Variants in DYSF observed in about 807,000 individuals in gnomAD.
DYSF encodes the protein dystrophy-associated fer-1-like 1.
In DYSF, 212 loss-of-function variants were observed where a neutral mutation model predicts 274.9. The ratio of observed to expected loss-of-function variants is 0.77; its 90% CI spans 0.69 to 0.86. The LOEUF (loss-of-function observed/expected upper bound fraction) is 0.86. DYSF is among the 40% of genes least tolerant of loss of function. DYSF has a pLI of 0.00. For missense variants in DYSF, 2,666 were observed against 2,783.2 expected, an observed-to-expected ratio of 0.96 and a Z score of 0.95; for synonymous variants, 1,091 against 1,078.7, an observed-to-expected ratio of 1.01 and a Z score of -0.22.
intron 22 of DYSF, 82 bp from the exon 23 acceptor site, chr2:71,561,670 T>C: frequency 6.4e-7 from 1 of 1,555,710 alleles, no homozygotes; most frequent in Non-Finnish European, 8.9e-7. Flanking sequence ...GGGCCTGCTG[T>C]GAGAACCTGG....
At chr2:71,640,019 A>G (rs1333522147) in intron 41 of DYSF, among the ~76,000 whole-genome samples, 1 of 152,234 alleles carries the variant, frequency 6.6e-6, no homozygotes, top group African/African-American at 2.4e-5. Flanking sequence ...TCAAACTGAT[A>G]CTATTATTTT....
intron 24 of DYSF, among the ~76,000 whole-genome samples, chr2:71,564,949 G>A (rs1399918157): frequency 6.6e-6 from 1 of 152,198 alleles, no homozygotes; most frequent in Non-Finnish European, 1.5e-5. Context: ...GTGGCCTGGC[G>A]TGCAGGACAC....
rs542176164 is a variant in DYSF at position 71,511,893 on chromosome 2, G to A, written c.432G>A (p.Pro144=). Residue 144 remains proline, a synonymous_variant, in exon 5 of 56, where the codon CCG becomes CCA. Transcript: ENST00000410020. ...FPPPTPLEPS[P]TLPDLDVVAG... is the part of the protein sequence containing the mutation. ...CCCCTACTCCTCTGGAGCCCTCCCC[G>A]ACTCTGCCTGACCTGGATGTAGTGG... The A allele has an allele frequency of 1.7e-4, 260 of 1,550,460 alleles. 6 individuals carry two copies. In the South Asian group the frequency reaches 2.6e-3, roughly 16 times the overall value.
At chr2:71,560,422 C>CACAGGGCTCCGGCCCAGGCCCCCCCCCG (rs1359024539) in intron 22 of DYSF, among the ~76,000 whole-genome samples, 1 of 14,844 alleles carries the variant, frequency 6.7e-5, no homozygotes, top group African/African-American at 7.4e-4. Flanking sequence ...GGCAGGCCCC[C>CACAGGGCTCCGGCCCAGGCCCCCCCCCG]GCCCCGCTAC....
chr2:71,454,142 C>G, intron 1 of DYSF: 1 of 1,534,376 alleles, frequency 6.5e-7, no homozygotes. Flanking sequence ...GGAGGGGACG[C>G]CGCGGCTCTC....
intron 3 of DYSF, among the ~76,000 whole-genome samples, chr2:71,487,333 G>A (rs1429274006): frequency 2.0e-5 from 3 of 152,096 alleles, no homozygotes; most frequent in African/African-American, 4.8e-5. Flanking sequence ...GCTGCATCTA[G>A]AAATGACCTG....
chr2:71,636,893 G>A (rs545638043), intron 41 of DYSF, among the ~76,000 whole-genome samples: 2 of 152,254 alleles, frequency 1.3e-5, no homozygotes, highest in Non-Finnish European at 2.9e-5. Flanking sequence ...GTGGTGCTCT[G>A]GACAGTGGAG....
At chr2:71,645,471 CGCTTGTGTGTTCCTCT>C (rs1430321892) in intron 42 of DYSF, among the ~76,000 whole-genome samples, 13 of 151,908 alleles carry the variant, frequency 8.6e-5, no homozygotes, top group African/African-American at 2.9e-4. Flanking sequence ...GACATCCCGC[CGCTTGTGTGTTCCTCT>C]GCTTGTGTGT....
chr2:71,493,285 C>T (rs1354437822), intron 3 of DYSF, among the ~76,000 whole-genome samples: 2 of 152,176 alleles, frequency 1.3e-5, no homozygotes, highest in Non-Finnish European at 2.9e-5. Context: ...TTTCCCTCTC[C>T]CCCAGTGCGG....
At position 71,570,279 on chromosome 2, in the gene DYSF, G is replaced by GA; in HGVS notation, c.3032dup (p.Trp1012ValfsTer4). ...ATGACATTGAGTGCCCACTGGGCTG[G>GA]AAGTGGGAAGATGAGGAATGGTCCA... On this transcript the variant is annotated frameshift_variant, in exon 28 of 56. Coordinates refer to ENST00000410020, the MANE Select transcript of DYSF (RefSeq NM_001130987.2). LOFTEE classifies it high-confidence loss of function. The GA allele has an allele frequency of 6.2e-7, 1 of 1,614,184 alleles. No individual in the cohort carries two copies. Among genetic ancestry groups the GA allele is most frequent in the Non-Finnish European group, 8.5e-7 (1 of 1,180,034 alleles).
intron 43 of DYSF, among the ~76,000 whole-genome samples, chr2:71,657,067 T>C (rs767121778): frequency 8.5e-5 from 13 of 152,218 alleles, no homozygotes; most frequent in Non-Finnish European, 1.5e-4. Flanking sequence ...CTTCCACCTA[T>C]GAGCCTGTAA....
chr2:71,509,255 C>T (rs1168345144), intron 4 of DYSF, among the ~76,000 whole-genome samples: 2 of 152,072 alleles, frequency 1.3e-5, no homozygotes, highest in African/African-American at 4.8e-5. Context: ...CTTGACCTCC[C>T]AGGCTCAAGT....
intron 17 of DYSF, among the ~76,000 whole-genome samples, chr2:71,546,509 G>A (rs1342729261): frequency 2.0e-5 from 3 of 152,258 alleles, no homozygotes; most frequent in Non-Finnish European, 4.4e-5. Context: ...GCACTAGAGT[G>A]TTCCTTGGAC....
At chr2:71,582,904 G>A (rs1015564389) in intron 30 of DYSF, among the ~76,000 whole-genome samples, 14 of 151,888 alleles carry the variant, frequency 9.2e-5, no homozygotes, top group Non-Finnish European at 1.5e-4. Context: ...TGGGCCAGGC[G>A]TGGTGGCTCA....
At chr2:71,673,280 G>A (rs1476384048) in intron 51 of DYSF, among the ~76,000 whole-genome samples, 2 of 152,192 alleles carry the variant, frequency 1.3e-5, no homozygotes, top group Non-Finnish European at 2.9e-5. Context: ...TGGACTGAGG[G>A]GTGCTCCCCG....
chr2:71,552,899 G>C, intron 19 of DYSF, 112 bp from the exon 20 acceptor site: 1 of 1,081,630 alleles, frequency 9.2e-7, no homozygotes, highest in East Asian at 2.5e-5. Context: ...GTCCAGCCAG[G>C]AGCTATTGGG....
At chr2:71,546,896 C>T (rs1395079925) in intron 17 of DYSF, among the ~76,000 whole-genome samples, 1 of 152,252 alleles carries the variant, frequency 6.6e-6, no homozygotes, top group Non-Finnish European at 1.5e-5. Flanking sequence ...TCAGCTTCTT[C>T]ATGCATGTTC....
chr2:71,564,077 A>C lies in DYSF; in HGVS notation c.2429A>C (p.Asp810Ala). 2 of 1,614,182 alleles carry C rather than the reference A, an allele frequency of 1.2e-6. No individual in the cohort carries two copies. Among genetic ancestry groups the C allele is most frequent in the Admixed American group, 1.7e-5 (1 of 60,024 alleles). The change falls in exon 24 of 56, where the codon GAC (aspartate) becomes GCC (alanine). Residue 810 changes from aspartate to alanine, a missense_variant. Asp to Ala is a moderately radical substitution (Grantham distance 126). Around this residue, in one of 3 missense-constraint regions of DYSF, gnomAD observed 412 missense variants for 504.0 expected, o/e 0.82. Coordinates refer to ENST00000410020, the MANE Select transcript of DYSF (RefSeq NM_001130987.2). ...LAEEPQNSLPDIVIWMLQGDK... is the reference protein window; with the variant it reads ...LAEEPQNSLPAIVIWMLQGDK... ...GTTCAGCCCCAGAACAGCCTGCCGG[A>C]CATCGTCATCTGGATGCTGCAGGGA...
chr2:71,647,153 C>T (rs2094579452), intron 42 of DYSF, among the ~76,000 whole-genome samples: 1 of 151,996 alleles, frequency 6.6e-6, no homozygotes, highest in Admixed American at 6.6e-5. Flanking sequence ...ACACCATTCT[C>T]CTTAACTATC....
Sources: gnomAD v4.1 joint callset for allele counts (sites outside exome capture counted in the v4.1 genomes callset) on GRCh38, gnomAD v4.1.1 for gene constraint, gnomAD v4.1.1 regional missense constraint, MANE v1.5 for transcripts, NCBI Gene and HGNC (gene_info 2026-07-23, HGNC 2026-07-21) for gene names.